Variants in RIMS3 observed in about 807,000 individuals in gnomAD.
RIMS3 encodes regulating synaptic membrane exocytosis protein 3.
A neutral mutation model predicts 29.2 loss-of-function variants in RIMS3; 15 were observed. The ratio of observed to expected loss-of-function variants is 0.51; its 90% CI spans 0.34 to 0.79. The LOEUF is 0.79. Ranked by LOEUF, RIMS3 falls within the 30% of genes least tolerant of loss-of-function variation. The pLI is 0.01. For synonymous variants in RIMS3, 161 were observed against 170.1 expected, an observed-to-expected ratio of 0.95 and a Z score of 0.41; for missense variants, 342 against 421.4, an observed-to-expected ratio of 0.81 and a Z score of 1.65.
At chr1:40,643,889 C>A (rs1396033568) in intron 2 of RIMS3, among the ~76,000 whole-genome samples, 1 of 152,122 alleles carries the variant, frequency 6.6e-6, no homozygotes, top group Non-Finnish European at 1.5e-5. Flanking sequence ...CCCTAGCATC[C>A]GCTCCCCCTT....
chr1:40,681,906 T>G, the RIMS3 span, among the ~76,000 whole-genome samples: 1 of 152,240 alleles, frequency 6.6e-6, no homozygotes, highest in African/African-American at 2.4e-5. Flanking sequence ...CCATCTTGGC[T>G]CACTGCACCC....
the RIMS3 span, among the ~76,000 whole-genome samples, chr1:40,671,306 G>C: frequency 6.6e-6 from 1 of 152,206 alleles, no homozygotes; most frequent in African/African-American, 2.4e-5. Flanking sequence ...CCAGATGAGG[G>C]CTGCATAGGC....
In RIMS3 at chr1:40,654,805, C is replaced by A. The variant is rs1642250001; in HGVS notation, c.-206-6963G>T. Among the ~76,000 whole-genome samples the A allele has an allele frequency of 1.3e-5, 2 of 152,056 alleles. No homozygotes were observed. Among genetic ancestry groups the A allele is most frequent in the Admixed American group, 6.5e-5 (1 of 15,270 alleles). On this transcript the variant is annotated intron_variant, in intron 1 of 7. Transcript: ENST00000372684. This position sits in a 1 kb window ranked among gnomAD's most constrained non-coding sequence, Gnocchi z 5.3. ...ACCCTCAGACATATCTGTGAGTTAC[C>A]TAGCTACATTTGCCAGGGACATACA...
chr1:40,670,574 T>TTATATATATATATATATATATATATATA (rs553412097), upstream of RIMS3, among the ~76,000 whole-genome samples: 37 of 71,184 alleles, frequency 5.2e-4, 3 homozygotes, highest in Admixed American at 7.5e-4. Context: ...AGTTATAATT[T>TTATATATATATATATATATATATATATA]TATATATATA....
rs1646499948 is a variant in RIMS3 at position 40,633,138 on chromosome 1, T to C, written c.403A>G (p.Ser135Gly). The change falls in exon 5 of 8, where the codon AGC becomes GGC. Residue 135 changes from serine (S) to glycine (G), a missense_variant. Ser to Gly is a moderately conservative substitution (Grantham distance 56). Transcript: ENST00000372684. ...TTRLGAESQF[S>G]DFLDGLGPAQ... Reference sequence around the variant, plus strand: ...GGTCCCAGCCCATCCAGGAAATCGCTGAACTGGCTTTCAGCCCCTAGCCGG... The same window carrying C: ...GGTCCCAGCCCATCCAGGAAATCGCCGAACTGGCTTTCAGCCCCTAGCCGG... 1 of 1,614,132 alleles carries C rather than the reference T, an allele frequency of 6.2e-7. No homozygotes were observed. The highest frequency in any genetic ancestry group is 2.2e-5 in the East Asian group (1 of 44,876).
At chr1:40,634,213 A>G (rs1269361298) in intron 4 of RIMS3, among the ~76,000 whole-genome samples, 1 of 152,062 alleles carries the variant, frequency 6.6e-6, no homozygotes, top group African/African-American at 2.4e-5. Context: ...CTCCTACTAG[A>G]TAGTTTGGCC....
rs1430265236 is a variant in RIMS3, at chr1:40,665,655, C to G, written c.-468G>C. The G allele has an allele frequency of 6.6e-6, 1 of 152,266 alleles. No homozygotes were observed. The highest frequency in any genetic ancestry group is 1.5e-5 in the Non-Finnish European group (1 of 68,032). 9.4% of individuals were successfully genotyped at this position (152,266 alleles called of 1,614,324 possible). The stretch of plus-strand genomic sequence containing the variant: ...GCGCTGCCGGCTCCGCAGCAGCCAC[C>G]GTTTTCAGTCGCCGCCGGGTGCAAA... On this transcript the variant is annotated 5_prime_UTR_variant, in exon 1 of 8. Transcript: ENST00000372684.
chr1:40,629,277 G>C lies in RIMS3; in HGVS notation c.568C>G (p.Leu190Val). The C allele has an allele frequency of 1.2e-6, 2 of 1,613,918 alleles. No homozygotes were observed. The highest frequency in any genetic ancestry group is 1.7e-6 in the Non-Finnish European group (2 of 1,179,810). The part of the protein sequence containing the change: ...GLTPKPGSKS[L>V]PATYIKVYLL... ...CATTTCCAAAATCCCTCACCTGGGA[G>C]GGATTTGGAGCCTGGTTTGGGGGTC... The change falls in exon 6 of 8, where the codon CTC (leucine) becomes GTC (valine). Residue 190 changes from leucine to valine, a missense_variant. Transcript: ENST00000372684.
chr1:40,687,261 T>C, the RIMS3 span, among the ~76,000 whole-genome samples: 2 of 152,128 alleles, frequency 1.3e-5, no homozygotes, highest in East Asian at 3.9e-4. Flanking sequence ...TGCTGATGGA[T>C]GCACAACGTG....
upstream of RIMS3, among the ~76,000 whole-genome samples, chr1:40,670,574 TTA>T (rs553412097): frequency 0.16 from 11,496 of 71,088 alleles, 979 homozygotes; most frequent in East Asian, 0.42. Context: ...AGTTATAATT[TTA>T]TATATATATA....
rs1457639712 is a variant in RIMS3 at position 40,647,807 on chromosome 1, G to A, written c.-171C>T. Reference sequence around the variant, plus strand: ...CAAGAAATGAGGTGAAGGCAATCAGGGCAGGCTCCCAGAGGAGGCGATGTG... The same window carrying A: ...CAAGAAATGAGGTGAAGGCAATCAGAGCAGGCTCCCAGAGGAGGCGATGTG... On this transcript the variant is annotated 5_prime_UTR_variant, in exon 2 of 8. Coordinates refer to ENST00000372684, the MANE Select transcript of RIMS3 (RefSeq NM_014747.3). 7.7e-6 allele frequency: 1 copy of A among 130,418 alleles called. No individual in the cohort carries two copies. Among genetic ancestry groups the A allele is most frequent in the Non-Finnish European group, 1.6e-5 (1 of 62,332 alleles). The allele number at this position is 130,418 out of a possible 1,614,324, so 8.1% of individuals were successfully genotyped here.
At chr1:40,645,288 C>T (rs997128605) in intron 2 of RIMS3, among the ~76,000 whole-genome samples, 2 of 152,088 alleles carry the variant, frequency 1.3e-5, no homozygotes, top group Non-Finnish European at 2.9e-5. Context: ...GACTCTGCCA[C>T]GGTGTAGGTC....
Position 40,626,507 on chromosome 1 carries a change from C to T in RIMS3, c.*10G>A, listed in dbSNP as rs779146287. On this transcript the variant is annotated 3_prime_UTR_variant, in exon 8 of 8. Transcript: ENST00000372684. ...CCCCACACCACCATCCTGGCCTCTT[C>T]CTGACATCCTTAAGAGCATGAGGGG... 52 of 1,594,596 alleles carry T rather than the reference C, an allele frequency of 3.3e-5. No homozygotes were observed. The highest frequency in any genetic ancestry group is 4.3e-5 in the Non-Finnish European group (50 of 1,170,390).
chr1:40,685,265 T>C, the RIMS3 span, among the ~76,000 whole-genome samples: 1 of 140,920 alleles, frequency 7.1e-6, no homozygotes, highest in Non-Finnish European at 1.5e-5. Flanking sequence ...AATAAATTTA[T>C]TATGAAAAAC....
chr1:40,661,624 A>G (rs1413423426), intron 1 of RIMS3, among the ~76,000 whole-genome samples: 2 of 152,198 alleles, frequency 1.3e-5, no homozygotes, highest in East Asian at 3.8e-4. Context: ...GCCCCCACAC[A>G]ACAGAGTAAA....
chr1:40,675,361 C>A, the RIMS3 span, among the ~76,000 whole-genome samples: 6 of 151,980 alleles, frequency 3.9e-5, no homozygotes, highest in African/African-American at 1.4e-4. Flanking sequence ...GTGGCTCATG[C>A]CTGTAATTCC....
chr1:40,625,703 G>A lies in RIMS3; in HGVS notation c.*814C>T, dbSNP rs1168385531. ...AGAGCTCCTTCGGCACGGTGGAGTGGGGAGGCTTGAAGAGACAGGAGATGA... is the reference window on the plus strand; with the variant it reads ...AGAGCTCCTTCGGCACGGTGGAGTGAGGAGGCTTGAAGAGACAGGAGATGA... On this transcript the variant is annotated 3_prime_UTR_variant, in exon 8 of 8. Transcript: ENST00000372684. 1.3e-5 allele frequency: 2 copies of A among 152,604 alleles called. No individual in the cohort carries two copies. The highest frequency in any genetic ancestry group is 4.8e-5 in the African/African-American group (2 of 41,462). 9.5% of individuals were successfully genotyped at this position (152,604 alleles called of 1,614,324 possible).
intron 2 of RIMS3, among the ~76,000 whole-genome samples, chr1:40,642,199 C>T (rs1159624234): frequency 6.6e-6 from 1 of 152,206 alleles, no homozygotes. Flanking sequence ...AGGACCGAGG[C>T]TGTGGAGTCA....
chr1:40,685,600 C>T, the RIMS3 span, among the ~76,000 whole-genome samples: 5 of 151,930 alleles, frequency 3.3e-5, no homozygotes, highest in Non-Finnish European at 5.9e-5. Context: ...ATCCCAGGAA[C>T]AGTCCTGTCC....
Sources: allele counts gnomAD v4.1 joint callset (sites outside exome capture counted in the v4.1 genomes callset), GRCh38; gene constraint gnomAD v4.1.1; non-coding constraint Gnocchi (gnomAD v3.1); transcripts MANE v1.5; gene names NCBI Gene and HGNC (gene_info 2026-07-23, HGNC 2026-07-21).